The following CDH22 variants were observed in gnomAD, a reference collection of about 807,000 sequenced individuals.
CDH22 encodes the protein cadherin-22.
In CDH22, 30 loss-of-function variants were observed where a neutral mutation model predicts 58.4. The observed-to-expected ratio is 0.51, with a 90% CI of 0.38 to 0.70. The LOEUF is 0.70. Ranked by LOEUF, CDH22 falls within the 30% of genes least tolerant of loss-of-function variation. The pLI, the probability that CDH22 is intolerant of heterozygous loss-of-function variation, is 0.00. For missense variants in CDH22, 1,014 were observed against 1,233.9 expected (o/e 0.82, Z 2.67); for synonymous variants, 513 against 558.2 (o/e 0.92, Z 1.14).
chr20:46,269,605 G>T (rs1261030565), intron 1 of CDH22, among the ~76,000 whole-genome samples: 1 of 152,226 alleles, frequency 6.6e-6, no homozygotes, highest in Non-Finnish European at 1.5e-5. Flanking sequence ...TCAGAGCCAT[G>T]CTCCGAACCA....
chr20:46,282,953 G>C (rs2086557748), intron 1 of CDH22, among the ~76,000 whole-genome samples: 1 of 152,220 alleles, frequency 6.6e-6, no homozygotes, highest in African/African-American at 2.4e-5. Flanking sequence ...CAGCTGGCCA[G>C]GTCTAGGGGA....
Position 46,216,745 on chromosome 20 carries a change from G to A in CDH22, c.838+81C>T. Reference sequence around the variant, plus strand: ...CTTCTTTTGGTGGGAAGTCTAAAGGGAAGCTGGGGTCAGCAGGTGGCTTGG... The same window carrying A: ...CTTCTTTTGGTGGGAAGTCTAAAGGAAAGCTGGGGTCAGCAGGTGGCTTGG... On this transcript the variant is annotated intron_variant, in intron 5 of 11. Transcript: ENST00000537909. This position sits in a 1 kb window ranked among gnomAD's most constrained non-coding sequence, Gnocchi z 5.3. 7.5e-7 allele frequency: 1 copy of A among 1,339,812 alleles called. No individual in the cohort carries two copies. The highest frequency in any genetic ancestry group is 1.0e-6 in the Non-Finnish European group (1 of 953,530). 83.0% of individuals were successfully genotyped at this position (1,339,812 alleles called of 1,614,324 possible).
intron 1 of CDH22, among the ~76,000 whole-genome samples, chr20:46,256,622 G>T (rs1473447409): frequency 1.3e-5 from 2 of 152,154 alleles, no homozygotes; most frequent in Non-Finnish European, 2.9e-5. Context: ...GAGCCTACAG[G>T]CTCTCTTGGG....
chr20:46,195,796 T>G (rs2085895782), intron 8 of CDH22, among the ~76,000 whole-genome samples: 1 of 152,238 alleles, frequency 6.6e-6, no homozygotes, highest in East Asian at 1.9e-4. Context: ...GACTCAGAAG[T>G]TCGGGGAGAG....
Position 46,300,403 on chromosome 20 carries a change from C to T in CDH22, c.-400+7852G>A, listed in dbSNP as rs549206306. On this transcript the variant is annotated intron_variant, in intron 1 of 11. Transcript: ENST00000537909. The surrounding 1 kb of genome is among the most constrained non-coding windows in gnomAD (Gnocchi z 4.4). The stretch of plus-strand genomic sequence containing the variant: ...GACCTGGATCCACCTGCTTCTGCTT[C>T]CCATCCATCAGCCTGCCCGGGCCCA... 6.6e-6 allele frequency among the ~76,000 whole-genome samples: 1 copy of T among 152,326 alleles called. No individual in the cohort carries two copies. Among genetic ancestry groups the T allele is most frequent in the Admixed American group, 6.5e-5 (1 of 15,300 alleles).
intron 2 of CDH22, among the ~76,000 whole-genome samples, chr20:46,244,296 T>A (rs1274328224): frequency 1.3e-5 from 2 of 152,194 alleles, no homozygotes; most frequent in African/African-American, 4.8e-5. Flanking sequence ...TACTGGCTGC[T>A]CTCTGGGGAC....
intron 8 of CDH22, among the ~76,000 whole-genome samples, chr20:46,188,415 G>A (rs552736720): frequency 1.2e-4 from 18 of 152,190 alleles, no homozygotes; most frequent in South Asian, 2.1e-4. Context: ...TATGCCTAGC[G>A]TTCCATTATT....
In CDH22 at chr20:46,174,835, TGCCCGCGCCCCC is replaced by T. The variant is rs1184782110; in HGVS notation, c.2146_2157del (p.Gly716_Gly719del). 3 of 1,371,544 alleles carry T rather than the reference TGCCCGCGCCCCC, an allele frequency of 2.2e-6. No individual in the cohort carries two copies. In the African/African-American group the frequency reaches 4.5e-5, roughly 21 times the overall value. The allele number at this position is 1,371,544 out of a possible 1,614,324, so 85.0% of individuals were successfully genotyped here. On this transcript the variant is annotated inframe_deletion, in exon 12 of 12. Coordinates refer to ENST00000537909, the MANE Select transcript of CDH22 (RefSeq NM_021248.3). This position sits in a 1 kb window ranked among gnomAD's most constrained non-coding sequence, Gnocchi z 4.4. ...GAGGGCAGGTGGGCCTGCGGGGGGC[TGCCCGCGCCCCC>T]GCCCGAGCCCCCGCCCGCTCCCCCG...
intron 7 of CDH22, among the ~76,000 whole-genome samples, chr20:46,202,114 G>A (rs2085965572): frequency 6.6e-6 from 1 of 152,074 alleles, no homozygotes. Context: ...GTATGGTTGT[G>A]CAGGTTGTGT....
intron 1 of CDH22, among the ~76,000 whole-genome samples, chr20:46,276,001 G>T (rs1416215789): frequency 2.0e-5 from 3 of 152,106 alleles, no homozygotes; most frequent in Non-Finnish European, 4.4e-5. Flanking sequence ...ACATATGATG[G>T]CCCAGAGGTC....
intron 1 of CDH22, among the ~76,000 whole-genome samples, chr20:46,267,814 G>A (rs1247903602): frequency 6.6e-6 from 1 of 152,256 alleles, no homozygotes; most frequent in Non-Finnish European, 1.5e-5. Flanking sequence ...GTGAGGGAAG[G>A]CCCTAAGTCC....
In CDH22 at chr20:46,183,681, C is replaced by T. The variant is rs935274462; in HGVS notation, c.1663+2907G>A. ...TCCTTGCCTCAAGGGATCCTCCTGC[C>T]TTGTGCTGGAGTTATAAACATGAGC... On this transcript the variant is annotated intron_variant, in intron 10 of 11. Coordinates refer to ENST00000537909, the MANE Select transcript of CDH22 (RefSeq NM_021248.3). Among the ~76,000 whole-genome samples, 133 of 152,194 alleles carry T rather than the reference C, an allele frequency of 8.7e-4. 1 individual carries two copies. Among genetic ancestry groups the T allele is most frequent in the Admixed American group, 7.2e-4 (11 of 15,284 alleles).
chr20:46,230,803 A>G (rs1347096642), intron 3 of CDH22, among the ~76,000 whole-genome samples: 4 of 152,136 alleles, frequency 2.6e-5, no homozygotes, highest in Non-Finnish European at 4.4e-5. Context: ...TAAGAATACT[A>G]CCAAACTCGT....
chr20:46,181,850 T>A (rs996563555), intron 10 of CDH22, among the ~76,000 whole-genome samples: 3 of 150,564 alleles, frequency 2.0e-5, no homozygotes, highest in African/African-American at 4.9e-5. Flanking sequence ...AGAATCTTGC[T>A]CTGTCACCCA....
In CDH22 at chr20:46,181,702, CT is replaced by C. The variant is rs1248320730; in HGVS notation, c.1664-3506del. Among the ~76,000 whole-genome samples the C allele has an allele frequency of 9.5e-3, 910 of 95,988 alleles. 5 individuals are homozygous for C. Among genetic ancestry groups the C allele is most frequent in the Admixed American group, 0.018 (151 of 8,612 alleles). The allele number at this position is 95,988 out of a possible 152,430, so 63.0% of individuals were successfully genotyped here. On this transcript the variant is annotated intron_variant, in intron 10 of 11. Coordinates refer to ENST00000537909, the MANE Select transcript of CDH22 (RefSeq NM_021248.3). The stretch of plus-strand genomic sequence containing the variant: ...TTCCTTTCCCTCTTTCTTTTCTTTT[CT>C]TTTCTTTCTTTTTTTCCTTCCTTCC...
At chr20:46,211,611 G>C (rs1185413495) in intron 6 of CDH22, among the ~76,000 whole-genome samples, 1 of 152,130 alleles carries the variant, frequency 6.6e-6, no homozygotes, top group African/African-American at 2.4e-5. Flanking sequence ...GCTGGGGGTG[G>C]GGGAGATTAA....
intron 4 of CDH22, among the ~76,000 whole-genome samples, chr20:46,217,487 TACAC>T (rs1265118493): frequency 1.3e-5 from 2 of 151,962 alleles, no homozygotes; most frequent in Non-Finnish European, 2.9e-5. Context: ...CACAAACTCA[TACAC>T]ACTCCTATAG....
At chr20:46,277,376 G>A (rs919562075) in intron 1 of CDH22, among the ~76,000 whole-genome samples, 3 of 152,198 alleles carry the variant, frequency 2.0e-5, no homozygotes, top group Non-Finnish European at 4.4e-5. Flanking sequence ...AGCCTCCCTT[G>A]TCCTCTCTGT....
intron 11 of CDH22, among the ~76,000 whole-genome samples, chr20:46,177,546 CCT>C (rs1344547563): frequency 3.3e-5 from 5 of 152,162 alleles, no homozygotes; most frequent in Non-Finnish European, 7.3e-5. Flanking sequence ...AGCCACCTAA[CCT>C]CTCTGACCCC....
Sources: gnomAD v4.1 joint callset for allele counts (sites outside exome capture counted in the v4.1 genomes callset) on GRCh38, gnomAD v4.1.1 for gene constraint, Gnocchi (gnomAD v3.1) non-coding constraint, MANE v1.5 for transcripts, NCBI Gene and HGNC (gene_info 2026-07-23, HGNC 2026-07-21) for gene names.